PKHD1: variants seen among roughly 807,000 people sequenced by gnomAD.
PKHD1 encodes the protein fibrocystin.
PKHD1 carries 291 observed loss-of-function variants against 412.0 expected under a neutral mutation model. That is an observed-to-expected ratio of 0.71 (90% CI 0.64 to 0.78). PKHD1 has a LOEUF of 0.78. Among genes scored for constraint, PKHD1 ranks in the 30% least tolerant of loss-of-function variants. The pLI, the probability that PKHD1 is intolerant of heterozygous loss-of-function variation, is 0.00. For synonymous variants in PKHD1, 1,777 were observed against 1,821.5 expected (o/e 0.98, Z 0.62); for missense variants, 4,825 against 4,950.7 (o/e 0.97, Z 0.76).
intron 57 of PKHD1, among the ~76,000 whole-genome samples, chr6:51,752,518 T>C (rs1250308631): frequency 2.0e-5 from 3 of 152,108 alleles, no homozygotes; most frequent in Admixed American, 6.5e-5. Flanking sequence ...CAACAAAGAG[T>C]GTCCCATACT....
At chr6:52,052,559 C>A (rs1310012541) in intron 21 of PKHD1, among the ~76,000 whole-genome samples, 1 of 152,156 alleles carries the variant, frequency 6.6e-6, no homozygotes, top group African/African-American at 2.4e-5. Context: ...ACTCTTGGCC[C>A]ATTTACAGAG....
intron 50 of PKHD1, among the ~76,000 whole-genome samples, chr6:51,837,381 T>A (rs181627806): frequency 1.3e-5 from 2 of 152,258 alleles, no homozygotes; most frequent in Admixed American, 6.5e-5. Context: ...CTCCATCAGA[T>A]GAAATAAACA....
intron 26 of PKHD1, 139 bp from the exon 27 acceptor site, chr6:52,043,273 A>G: frequency 1.4e-6 from 1 of 691,068 alleles, no homozygotes; most frequent in Admixed American, 2.7e-5. Context: ...TGAATGCTGA[A>G]TTAAATATTG....
At chr6:52,056,850 C>T (rs1209051736) in intron 17 of PKHD1, 40 bp downstream of exon 17, 1 of 1,584,466 alleles carries the variant, frequency 6.3e-7, no homozygotes, top group Non-Finnish European at 8.7e-7. Flanking sequence ...ACCCCCAGTT[C>T]TCCCACTCCC....
intron 34 of PKHD1, among the ~76,000 whole-genome samples, chr6:52,011,617 G>C (rs998068859): frequency 7.2e-5 from 11 of 152,200 alleles, no homozygotes; most frequent in African/African-American, 2.7e-4. Context: ...GTCACCACTT[G>C]AGAAACTGTA....
chr6:51,666,264 C>T (rs1161570325), intron 60 of PKHD1, among the ~76,000 whole-genome samples: 1 of 152,078 alleles, frequency 6.6e-6, no homozygotes, highest in Non-Finnish European at 1.5e-5. Context: ...GTTTTAAAAA[C>T]CTCGTAAGTA....
intron 19 of PKHD1, among the ~76,000 whole-genome samples, chr6:52,054,795 C>G (rs1199424745): frequency 6.6e-6 from 1 of 152,166 alleles, no homozygotes; most frequent in Non-Finnish European, 1.5e-5. Context: ...CATACATTGC[C>G]AACTCTTCCC....
At chr6:51,681,356 A>C (rs1776632686) in intron 60 of PKHD1, among the ~76,000 whole-genome samples, 1 of 152,018 alleles carries the variant, frequency 6.6e-6, no homozygotes, top group Non-Finnish European at 1.5e-5. Context: ...CTGAATAAAC[A>C]CAGGCCTTAG....
chr6:52,036,659 G>T (rs1803998115), intron 27 of PKHD1, among the ~76,000 whole-genome samples: 1 of 151,994 alleles, frequency 6.6e-6, no homozygotes, highest in Non-Finnish European at 1.5e-5. Context: ...CTAGTACCCT[G>T]AAGTTAAGTG....
intron 35 of PKHD1, among the ~76,000 whole-genome samples, chr6:51,973,957 A>G (rs1298844729): frequency 6.6e-6 from 1 of 152,202 alleles, no homozygotes; most frequent in Non-Finnish European, 1.5e-5. Flanking sequence ...AGATTACCCA[A>G]TGAATTGAAT....
chr6:51,984,505 A>ATT (rs1795974262), intron 35 of PKHD1, among the ~76,000 whole-genome samples: 1 of 152,264 alleles, frequency 6.6e-6, no homozygotes, highest in Admixed American at 6.5e-5. Context: ...TCTAAAATTT[A>ATT]TTAAAACAAA....
intron 60 of PKHD1, among the ~76,000 whole-genome samples, chr6:51,664,374 C>T (rs2075023621): frequency 6.6e-6 from 1 of 152,120 alleles, no homozygotes; most frequent in African/African-American, 2.4e-5. Context: ...GGTTGGAGCC[C>T]GAGAGGGCAC....
intron 48 of PKHD1, among the ~76,000 whole-genome samples, chr6:51,866,789 G>A (rs1471000085): frequency 6.6e-6 from 1 of 151,946 alleles, no homozygotes; most frequent in African/African-American, 2.4e-5. Context: ...ATAAAAATCA[G>A]GCTGCATCCC....
chr6:51,712,104 G>A (rs1562147941), intron 60 of PKHD1, among the ~76,000 whole-genome samples: 1 of 152,166 alleles, frequency 6.6e-6, no homozygotes, highest in Non-Finnish European at 1.5e-5. Flanking sequence ...AGGGCCTATT[G>A]CTTCTGACTC....
intron 52 of PKHD1, among the ~76,000 whole-genome samples, chr6:51,826,296 CA>C (rs1767307196): frequency 6.6e-6 from 1 of 152,090 alleles, no homozygotes; most frequent in Non-Finnish European, 1.5e-5. Context: ...AAAAGAAAAA[CA>C]GTACTCTCCC....
At chr6:51,817,410 C>A (rs951562510) in intron 52 of PKHD1, among the ~76,000 whole-genome samples, 1 of 152,078 alleles carries the variant, frequency 6.6e-6, no homozygotes, top group African/African-American at 2.4e-5. Flanking sequence ...GCTGTAGACA[C>A]CCATCCCCCT....
At position 51,619,201 on chromosome 6, in the gene PKHD1, A is replaced by T; in HGVS notation, c.12105T>A (p.Ser4035Arg). The T allele has an allele frequency of 6.2e-7, 1 of 1,614,250 alleles. No individual in the cohort carries two copies. Among genetic ancestry groups the T allele is most frequent in the South Asian group, 1.1e-5 (1 of 91,090 alleles). ...RQERQQLPGQ[S>R]RLSKQSGSLG... is the part of the protein sequence containing the mutation. ...AGCTGCCACTTTGCTTACTCAGCCGACTTTGCCCTGGCAACTGCTGCCTCT... is the reference window on the plus strand; with the variant it reads ...AGCTGCCACTTTGCTTACTCAGCCGTCTTTGCCCTGGCAACTGCTGCCTCT... The change falls in exon 67 of 67, where the codon AGT becomes AGA. Residue 4035 changes from serine (S) to arginine (R), a missense_variant. Ser to Arg is a moderately radical substitution (Grantham distance 110). Transcript: ENST00000371117.
At chr6:51,639,969 G>A (rs1296606936) in intron 63 of PKHD1, among the ~76,000 whole-genome samples, 1 of 152,084 alleles carries the variant, frequency 6.6e-6, no homozygotes, top group Non-Finnish European at 1.5e-5. Context: ...TCTTTTTTGA[G>A]AAAGATCTTT....
At chr6:51,763,982 G>A (rs944668780) in intron 55 of PKHD1, among the ~76,000 whole-genome samples, 15 of 150,594 alleles carry the variant, frequency 1.0e-4, no homozygotes, top group Admixed American at 6.0e-4. Flanking sequence ...TAAGTTTTAG[G>A]GTACATGTGC....
Sources: gnomAD v4.1 joint callset for allele counts (sites outside exome capture counted in the v4.1 genomes callset) on GRCh38, gnomAD v4.1.1 for gene constraint, MANE v1.5 for transcripts, NCBI Gene and HGNC (gene_info 2026-07-23, HGNC 2026-07-21) for gene names.